The following GALNTL6 variants were observed in gnomAD, a reference collection of about 807,000 sequenced individuals.
GALNTL6 encodes polypeptide N-acetylgalactosaminyltransferase like 6, also known as polypeptide N-acetylgalactosaminyltransferase-like 6.
A neutral mutation model predicts 73.7 loss-of-function variants in GALNTL6; 46 were observed. The observed-to-expected ratio is 0.62, with a 90% CI of 0.49 to 0.80. The LOEUF (loss-of-function observed/expected upper bound fraction) is 0.80, where lower values mean the gene tolerates loss of function less well. GALNTL6 is among the 30% of genes least tolerant of loss of function. The pLI, the probability that GALNTL6 is intolerant of heterozygous loss-of-function variation, is 0.00. For synonymous variants in GALNTL6, 259 were observed against 263.7 expected (o/e 0.98, Z 0.17); for missense variants, 604 against 755.0 (o/e 0.80, Z 2.34).
intron 5 of GALNTL6, among the ~76,000 whole-genome samples, chr4:172,737,125 C>T (rs1736515716): frequency 6.6e-6 from 1 of 152,152 alleles, no homozygotes; most frequent in African/African-American, 2.4e-5. Context: ...TGTTTAAGAA[C>T]TAACTGTACC....
At chr4:172,540,963 G>A (rs1334793850) in intron 5 of GALNTL6, among the ~76,000 whole-genome samples, 1 of 152,164 alleles carries the variant, frequency 6.6e-6, no homozygotes, top group African/African-American at 2.4e-5. Context: ...GCCTAGAAAC[G>A]GAAGGCCTGG....
chr4:171,900,637 C>G (rs531422709), intron 2 of GALNTL6, among the ~76,000 whole-genome samples: 1 of 151,946 alleles, frequency 6.6e-6, no homozygotes, highest in Non-Finnish European at 1.5e-5. Context: ...AAACACATGG[C>G]TTTTCCTGAG....
rs372581386 is a variant in GALNTL6, at chr4:172,236,558, C to A, written c.247+6794C>A. Among the ~76,000 whole-genome samples the A allele has an allele frequency of 9.8e-4, 134 of 136,428 alleles. 2 individuals carry two copies. The highest frequency in any genetic ancestry group is 1.2e-3 in the Admixed American group (16 of 13,508). 89.5% of individuals were successfully genotyped at this position (136,428 alleles called of 152,430 possible). ...TGGGCGACAGAGTAAGACTCCGTCT[C>A]AAATAAAAAAAAAAAGTATATTAGC... On this transcript the variant is annotated intron_variant, in intron 3 of 12. Transcript: ENST00000506823.
chr4:172,745,446 T>TATACACACAC (rs34523518), intron 5 of GALNTL6, among the ~76,000 whole-genome samples: 1 of 145,244 alleles, frequency 6.9e-6, no homozygotes, highest in African/African-American at 2.6e-5. Context: ...TATATATATG[T>TATACACACAC]ACACATAACT....
At chr4:172,172,134 G>C (rs1425504733) in intron 2 of GALNTL6, among the ~76,000 whole-genome samples, 1 of 152,140 alleles carries the variant, frequency 6.6e-6, no homozygotes, top group African/African-American at 2.4e-5. Flanking sequence ...GGTAGGGTGA[G>C]GTCATGTGGA....
intron 2 of GALNTL6, among the ~76,000 whole-genome samples, chr4:171,880,494 C>A (rs1736417551): frequency 6.6e-6 from 1 of 152,216 alleles, no homozygotes; most frequent in South Asian, 2.1e-4. Flanking sequence ...TAACAAAAGA[C>A]ACTGGAGAAT....
intron 2 of GALNTL6, among the ~76,000 whole-genome samples, chr4:172,003,662 C>A: frequency 6.6e-6 from 1 of 152,090 alleles, no homozygotes; most frequent in East Asian, 1.9e-4. Flanking sequence ...TGGTTGGTTG[C>A]TTTAATTTCA....
chr4:172,019,152 G>C (rs1416289255), intron 2 of GALNTL6, among the ~76,000 whole-genome samples: 1 of 151,976 alleles, frequency 6.6e-6, no homozygotes, highest in Non-Finnish European at 1.5e-5. Context: ...CTGTTTTCCC[G>C]GTACACTCCT....
chr4:172,655,046 G>A (rs540426891), intron 5 of GALNTL6, among the ~76,000 whole-genome samples: 48 of 152,108 alleles, frequency 3.2e-4, no homozygotes, highest in Non-Finnish European at 6.0e-4. Context: ...TAAGAGCACA[G>A]GTTCATAATG....
chr4:172,832,620 G>A lies in GALNTL6; in HGVS notation c.923+18897G>A, dbSNP rs1340572846. On this transcript the variant is annotated intron_variant, in intron 7 of 12. Transcript: ENST00000506823. Reference sequence around the variant, plus strand: ...GCAGAATGACCTTGGGCCAGGCCCCGGTAGACTGGCTTCCTCCATAGTGTG... The same window carrying A: ...GCAGAATGACCTTGGGCCAGGCCCCAGTAGACTGGCTTCCTCCATAGTGTG... Among the ~76,000 whole-genome samples, 6 of 152,164 alleles carry A rather than the reference G, an allele frequency of 3.9e-5. No individual in the cohort carries two copies. The East Asian group carries it at 7.7e-4, about 20-fold the overall frequency.
At chr4:171,864,249 A>C (rs1489023035) in intron 2 of GALNTL6, among the ~76,000 whole-genome samples, 2 of 152,218 alleles carry the variant, frequency 1.3e-5, no homozygotes, top group African/African-American at 4.8e-5. Context: ...TATAACACAG[A>C]TTTAGGTTCT....
At chr4:172,057,692 A>G (rs1203939018) in intron 2 of GALNTL6, among the ~76,000 whole-genome samples, 1 of 112,960 alleles carries the variant, frequency 8.9e-6, no homozygotes, top group Non-Finnish European at 1.7e-5. Flanking sequence ...GGTGACACAG[A>G]CCCTGTCTCA....
At chr4:172,962,729 G>A (rs1180775797) in intron 10 of GALNTL6, among the ~76,000 whole-genome samples, 1 of 152,044 alleles carries the variant, frequency 6.6e-6, no homozygotes, top group Admixed American at 6.6e-5. Context: ...GCTTGTCTGC[G>A]CCAGCCTGAT....
chr4:171,946,520 G>C (rs1284531117), intron 2 of GALNTL6, among the ~76,000 whole-genome samples: 2 of 152,150 alleles, frequency 1.3e-5, no homozygotes, highest in Non-Finnish European at 2.9e-5. Flanking sequence ...CTCTTGCTCT[G>C]AGCTGCGTAT....
At chr4:172,460,234 G>C (rs530790131) in intron 5 of GALNTL6, among the ~76,000 whole-genome samples, 65 of 152,250 alleles carry the variant, frequency 4.3e-4, no homozygotes, top group African/African-American at 1.5e-3. Flanking sequence ...ATGGATTAAA[G>C]ACTTAAATGT....
intron 3 of GALNTL6, among the ~76,000 whole-genome samples, chr4:172,307,563 C>T (rs1740186141): frequency 6.6e-6 from 1 of 152,040 alleles, no homozygotes; most frequent in South Asian, 2.1e-4. Flanking sequence ...CAGTTTTGTT[C>T]TTCTATATGT....
chr4:172,870,246 C>T (rs1198252157), intron 7 of GALNTL6, among the ~76,000 whole-genome samples: 1 of 152,020 alleles, frequency 6.6e-6, no homozygotes, highest in Non-Finnish European at 1.5e-5. Context: ...TTTTTATTTG[C>T]TTGTAAAGAT....
chr4:172,677,389 C>T (rs997411639), intron 5 of GALNTL6, among the ~76,000 whole-genome samples: 1 of 152,090 alleles, frequency 6.6e-6, no homozygotes, highest in African/African-American at 2.4e-5. Flanking sequence ...GCTGTCTCCA[C>T]CTTGGAGAAA....
chr4:171,866,881 C>G (rs1735985214), intron 2 of GALNTL6, among the ~76,000 whole-genome samples: 1 of 152,154 alleles, frequency 6.6e-6, no homozygotes, highest in South Asian at 2.1e-4. Flanking sequence ...CAAATACCAT[C>G]ACATTGGGCA....
Sources: allele counts gnomAD v4.1 joint callset (sites outside exome capture counted in the v4.1 genomes callset), GRCh38; gene constraint gnomAD v4.1.1; transcripts MANE v1.5; gene names NCBI Gene and HGNC (gene_info 2026-07-23, HGNC 2026-07-21).